The following EPB41L5 variants were observed in gnomAD, a reference collection of about 807,000 sequenced individuals.
EPB41L5 encodes the protein erythrocyte membrane protein band 4.1 like 5.
EPB41L5 carries 55 observed loss-of-function variants against 106.6 expected under a neutral mutation model. That is an observed-to-expected ratio of 0.52 (90% CI 0.42 to 0.65). The LOEUF (loss-of-function observed/expected upper bound fraction) is 0.65, where lower values mean the gene tolerates loss of function less well. Among genes scored for constraint, EPB41L5 ranks in the 30% least tolerant of loss-of-function variants. The pLI is 0.00. For synonymous variants in EPB41L5, 297 were observed against 306.7 expected, an observed-to-expected ratio of 0.97 and a Z score of 0.33; for missense variants, 871 against 882.1, an observed-to-expected ratio of 0.99 and a Z score of 0.16.
chr2:120,126,391 AT>A (rs1196188660), intron 16 of EPB41L5, among the ~76,000 whole-genome samples: 1 of 152,060 alleles, frequency 6.6e-6, no homozygotes, highest in East Asian at 1.9e-4. Context: ...AGTCACAAAG[AT>A]TTTTTTCTTC....
At chr2:120,048,529 G>A (rs553908218) in intron 3 of EPB41L5, among the ~76,000 whole-genome samples, 14 of 151,268 alleles carry the variant, frequency 9.3e-5, no homozygotes, top group Non-Finnish European at 1.6e-4. Flanking sequence ...TTTTTATTGC[G>A]TCTATTTGAT....
chr2:120,042,014 C>T lies in EPB41L5; in HGVS notation c.189C>T (p.Ala63=). ...TTATCTTGCCATTTCAGAAAAAAGC[C>T]AAAGGACAAGAGTTGTTTGATCAGA... ...TDVSVDLPKK[A]KGQELFDQIM... The change falls in exon 3 of 25, where the codon GCC becomes GCT. Residue 63 remains alanine (A), a synonymous_variant. Transcript: ENST00000263713. 1 of 1,606,744 alleles carries T rather than the reference C, an allele frequency of 6.2e-7. No homozygotes were observed. Among genetic ancestry groups the T allele is most frequent in the Non-Finnish European group, 8.5e-7 (1 of 1,176,342 alleles).
chr2:120,057,536 G>C (rs1680741167), intron 3 of EPB41L5, among the ~76,000 whole-genome samples: 1 of 151,996 alleles, frequency 6.6e-6, no homozygotes, highest in South Asian at 2.1e-4. Flanking sequence ...TTTAGCAAAT[G>C]AATAACCTAT....
intron 3 of EPB41L5, among the ~76,000 whole-genome samples, chr2:120,057,334 C>T (rs1680725062): frequency 6.6e-6 from 1 of 152,138 alleles, no homozygotes; most frequent in South Asian, 2.1e-4. Context: ...GAATACTACC[C>T]CATCGTCTAT....
intron 16 of EPB41L5, among the ~76,000 whole-genome samples, chr2:120,114,268 C>T (rs1453155295): frequency 2.6e-5 from 4 of 152,174 alleles, no homozygotes; most frequent in African/African-American, 9.7e-5. Flanking sequence ...CAGACAGTTT[C>T]CAACTTAATG....
intron 2 of EPB41L5, among the ~76,000 whole-genome samples, chr2:120,028,586 A>C (rs1271600687): frequency 6.6e-6 from 1 of 152,128 alleles, no homozygotes; most frequent in East Asian, 1.9e-4. Context: ...TTTGTTACAG[A>C]AGAAAAAATC....
At chr2:120,168,992 C>T (rs976687241) in intron 24 of EPB41L5, among the ~76,000 whole-genome samples, 8 of 152,040 alleles carry the variant, frequency 5.3e-5, no homozygotes, top group African/African-American at 1.4e-4. Flanking sequence ...GAGAACCCGA[C>T]GGTAATGCTT....
chr2:120,084,339 G>C (rs974785068), intron 10 of EPB41L5, among the ~76,000 whole-genome samples: 1 of 152,110 alleles, frequency 6.6e-6, no homozygotes, highest in Non-Finnish European at 1.5e-5. Flanking sequence ...AAATCTCTCA[G>C]CATTTGCTTG....
intron 3 of EPB41L5, among the ~76,000 whole-genome samples, chr2:120,055,661 A>C (rs1301823464): frequency 6.6e-6 from 1 of 151,368 alleles, no homozygotes; most frequent in Non-Finnish European, 1.5e-5. Context: ...AAGTTTATAG[A>C]AGTCTCACTT....
rs1170135786 is a variant in EPB41L5 at position 120,178,108 on chromosome 2, C to T, written c.*3201C>T. Reference sequence around the variant, plus strand: ...ACCAGAGATGGTAAATACTGTCCCACTCAGCTCTGCTGGCGCAGTACAGCA... The same window carrying T: ...ACCAGAGATGGTAAATACTGTCCCATTCAGCTCTGCTGGCGCAGTACAGCA... On this transcript the variant is annotated 3_prime_UTR_variant, in exon 25 of 25. Transcript: ENST00000263713. 6.6e-6 allele frequency: 1 copy of T among 152,644 alleles called. No individual in the cohort carries two copies. Among genetic ancestry groups the T allele is most frequent in the Non-Finnish European group, 1.5e-5 (1 of 68,066 alleles). The allele number at this position is 152,644 out of a possible 1,614,324, so 9.5% of individuals were successfully genotyped here. A position where few individuals can be genotyped will look rare whatever the true frequency, so the allele number is the denominator to read the frequency against.
At chr2:120,124,243 A>G (rs1032203478) in intron 16 of EPB41L5, among the ~76,000 whole-genome samples, 6 of 152,308 alleles carry the variant, frequency 3.9e-5, no homozygotes, top group African/African-American at 1.4e-4. Context: ...GCTCCTGCCC[A>G]CAAGTACCCT....
intron 3 of EPB41L5, among the ~76,000 whole-genome samples, chr2:120,042,968 C>T (rs1679494343): frequency 6.7e-6 from 1 of 148,658 alleles, no homozygotes; most frequent in Non-Finnish European, 1.5e-5. Flanking sequence ...ATAAGGATAT[C>T]ATGGCATTAA....
chr2:120,086,662 G>T (rs1459486849), intron 10 of EPB41L5, among the ~76,000 whole-genome samples: 1 of 152,204 alleles, frequency 6.6e-6, no homozygotes, highest in Non-Finnish European at 1.5e-5. Flanking sequence ...GATTACTGGA[G>T]CCTGGAAGTT....
chr2:120,056,557 C>T (rs1468135153), intron 3 of EPB41L5, among the ~76,000 whole-genome samples: 1 of 152,062 alleles, frequency 6.6e-6, no homozygotes, highest in East Asian at 1.9e-4. Flanking sequence ...CCTCAGCCTC[C>T]CAAAGTGTTG....
intron 3 of EPB41L5, among the ~76,000 whole-genome samples, chr2:120,072,211 A>G (rs1421425864): frequency 6.6e-6 from 1 of 152,264 alleles, no homozygotes; most frequent in Non-Finnish European, 1.5e-5. Context: ...TATTAGAGAA[A>G]TGCAAATCAA....
intron 21 of EPB41L5, among the ~76,000 whole-genome samples, chr2:120,164,228 G>A (rs1268402201): frequency 1.3e-5 from 2 of 151,790 alleles, no homozygotes; most frequent in Non-Finnish European, 2.9e-5. Flanking sequence ...TTTAAAATTT[G>A]TTTTGAGGCA....
chr2:120,174,334 A>G (rs765327890), intron 24 of EPB41L5, among the ~76,000 whole-genome samples: 2 of 152,134 alleles, frequency 1.3e-5, no homozygotes, highest in South Asian at 2.1e-4. Context: ...GCACAGGCCT[A>G]TAGTCCCAGC....
At chr2:120,149,696 A>G (rs1443623009) in intron 20 of EPB41L5, among the ~76,000 whole-genome samples, 2 of 152,180 alleles carry the variant, frequency 1.3e-5, no homozygotes, top group African/African-American at 2.4e-5. Context: ...ATGAATAGTC[A>G]TGTACAATTT....
At chr2:120,171,639 T>C (rs1687677671) in intron 24 of EPB41L5, among the ~76,000 whole-genome samples, 1 of 152,244 alleles carries the variant, frequency 6.6e-6, no homozygotes, top group African/African-American at 2.4e-5. Context: ...GCTTATTCTC[T>C]GGAGAAGCCA....
Sources: gnomAD v4.1 joint callset for allele counts (sites outside exome capture counted in the v4.1 genomes callset) on GRCh38, gnomAD v4.1.1 for gene constraint, MANE v1.5 for transcripts, NCBI Gene and HGNC (gene_info 2026-07-23, HGNC 2026-07-21) for gene names.